Variants in ZNF407 observed in about 807,000 individuals in gnomAD.
ZNF407 encodes the protein zinc finger protein 407.
In ZNF407, 17 loss-of-function variants were observed where a neutral mutation model predicts 131.2. That is an observed-to-expected ratio of 0.13 (90% CI 0.09 to 0.19). The LOEUF (loss-of-function observed/expected upper bound fraction) is 0.19, where lower values mean the gene tolerates loss of function less well. Among genes scored for constraint, ZNF407 ranks in the 10% least tolerant of loss-of-function variants. The pLI, the probability that ZNF407 is intolerant of heterozygous loss-of-function variation, is 1.00. For missense variants in ZNF407, 2,681 were observed against 2,830.6 expected, an observed-to-expected ratio of 0.95 and a Z score of 1.20; for synonymous variants, 1,156 against 1,062.0, an observed-to-expected ratio of 1.09 and a Z score of -1.72.
intron 8 of ZNF407, among the ~76,000 whole-genome samples, chr18:74,959,779 G>T (rs2145289787): frequency 6.6e-6 from 1 of 152,276 alleles, no homozygotes; most frequent in African/African-American, 2.4e-5. Flanking sequence ...AACGTATAAA[G>T]GTTGAAATTT....
chr18:74,949,254 T>A (rs1378593813), intron 8 of ZNF407, among the ~76,000 whole-genome samples: 1 of 152,206 alleles, frequency 6.6e-6, no homozygotes, highest in African/African-American at 2.4e-5. Flanking sequence ...TGAAAAGCCC[T>A]TCGAACTATG....
chr18:74,701,637 A>G (rs1040139937), intron 3 of ZNF407, among the ~76,000 whole-genome samples: 3 of 152,100 alleles, frequency 2.0e-5, no homozygotes, highest in African/African-American at 4.8e-5. Context: ...TTTTTATTCA[A>G]CAGTTTTGAC....
chr18:74,789,657 C>G (rs1398918127), intron 4 of ZNF407, among the ~76,000 whole-genome samples: 1 of 152,138 alleles, frequency 6.6e-6, no homozygotes, highest in Non-Finnish European at 1.5e-5. Flanking sequence ...AGAGCCTGGG[C>G]TGGTGGATTC....
chr18:74,628,832 G>A (rs1410688320), intron 1 of ZNF407, among the ~76,000 whole-genome samples: 1 of 152,060 alleles, frequency 6.6e-6, no homozygotes, highest in African/African-American at 2.4e-5. Context: ...CTCCCTCCTT[G>A]TCCTTCAAAA....
intron 1 of ZNF407, among the ~76,000 whole-genome samples, chr18:74,628,122 T>C (rs1261830859): frequency 6.6e-6 from 1 of 152,198 alleles, no homozygotes; most frequent in African/African-American, 2.4e-5. Context: ...TTATATTTTC[T>C]GGAACCTATT....
At chr18:74,603,161 A>G (rs988644484) in intron 1 of ZNF407, among the ~76,000 whole-genome samples, 1 of 152,214 alleles carries the variant, frequency 6.6e-6, no homozygotes, top group Non-Finnish European at 1.5e-5. Context: ...ATGTCTTAGC[A>G]TTTATTTAAA....
In ZNF407 at chr18:74,869,933, T is replaced by C. The variant is rs376227989; in HGVS notation, c.4878-7264T>C. On this transcript the variant is annotated intron_variant, in intron 4 of 8. Transcript: ENST00000299687. Reference sequence around the variant, plus strand: ...TATTGGATGCATAGTGTGTGGTATATTGGGGAAAATTTCAGCTAAAATTAA... The same window carrying C: ...TATTGGATGCATAGTGTGTGGTATACTGGGGAAAATTTCAGCTAAAATTAA... 5.9e-5 allele frequency among the ~76,000 whole-genome samples: 9 copies of C among 152,328 alleles called. No individual in the cohort carries two copies. In the East Asian group the frequency reaches 1.5e-3, roughly 26 times the overall value.
intron 8 of ZNF407, among the ~76,000 whole-genome samples, chr18:75,029,553 CTTCA>C (rs1973213501): frequency 6.7e-6 from 1 of 148,190 alleles, no homozygotes; most frequent in South Asian, 2.1e-4. Context: ...CGCTCACCAC[CTTCA>C]TTCAGGGCGG....
intron 1 of ZNF407, among the ~76,000 whole-genome samples, chr18:74,601,807 A>C (rs1982597641): frequency 6.6e-6 from 1 of 152,162 alleles, no homozygotes; most frequent in Admixed American, 6.5e-5. Context: ...AACATTGGGG[A>C]CTACATTTCA....
chr18:74,862,481 T>A (rs1970951039), intron 4 of ZNF407, among the ~76,000 whole-genome samples: 1 of 152,246 alleles, frequency 6.6e-6, no homozygotes, highest in African/African-American at 2.4e-5. Flanking sequence ...ATAGAATAAA[T>A]GTATAATTGC....
intron 8 of ZNF407, among the ~76,000 whole-genome samples, chr18:74,958,942 G>A (rs1008945090): frequency 6.6e-6 from 1 of 152,198 alleles, no homozygotes; most frequent in Admixed American, 6.5e-5. Context: ...GGATTTGAAT[G>A]GAGAGGCGGA....
chr18:74,771,603 C>T (rs896725950), intron 3 of ZNF407, among the ~76,000 whole-genome samples: 1 of 151,082 alleles, frequency 6.6e-6, no homozygotes. Flanking sequence ...TATAGTATGC[C>T]CCAGGTTTCT....
chr18:74,963,641 T>C (rs1972375193), intron 8 of ZNF407, among the ~76,000 whole-genome samples: 1 of 152,220 alleles, frequency 6.6e-6, no homozygotes, highest in South Asian at 2.1e-4. Flanking sequence ...GAAGAGGAAA[T>C]GTTCATTGAA....
At chr18:75,047,516 A>G (rs1973449389) in intron 8 of ZNF407, among the ~76,000 whole-genome samples, 2 of 152,086 alleles carry the variant, frequency 1.3e-5, no homozygotes, top group African/African-American at 4.8e-5. Flanking sequence ...AGGTTCTGTA[A>G]TAGAGGCTTT....
chr18:74,804,410 A>G (rs1402258388), intron 4 of ZNF407: 1 of 1,003,578 alleles, frequency 1.0e-6, no homozygotes, highest in Non-Finnish European at 1.2e-6. Flanking sequence ...TCAGTAAGGA[A>G]CATATTAATT....
chr18:75,007,932 C>T (rs1433188649), intron 8 of ZNF407, among the ~76,000 whole-genome samples: 3 of 152,106 alleles, frequency 2.0e-5, no homozygotes, highest in South Asian at 2.1e-4. Flanking sequence ...AGCTAAATTT[C>T]GAAAGTGGTT....
chr18:75,017,391 T>G (rs1973057365), intron 8 of ZNF407, among the ~76,000 whole-genome samples: 1 of 152,030 alleles, frequency 6.6e-6, no homozygotes, highest in African/African-American at 2.4e-5. Context: ...GTGGAAAAAT[T>G]TTTCCAATCC....
intron 3 of ZNF407, among the ~76,000 whole-genome samples, chr18:74,745,094 T>C (rs1264203330): frequency 6.6e-6 from 1 of 152,120 alleles, no homozygotes; most frequent in African/African-American, 2.4e-5. Flanking sequence ...GAAAGTCACA[T>C]CTGTTCTCAG....
intron 4 of ZNF407, among the ~76,000 whole-genome samples, chr18:74,845,572 A>C (rs1970691365): frequency 6.6e-6 from 1 of 152,194 alleles, no homozygotes; most frequent in Non-Finnish European, 1.5e-5. Flanking sequence ...AATTCTACAA[A>C]GTTCATAATT....
Sources: gnomAD v4.1 joint callset for allele counts (sites outside exome capture counted in the v4.1 genomes callset) on GRCh38, gnomAD v4.1.1 for gene constraint, MANE v1.5 for transcripts, NCBI Gene and HGNC (gene_info 2026-07-23, HGNC 2026-07-21) for gene names.